Variants in SULF2 observed in about 807,000 individuals in gnomAD.
SULF2 encodes sulfatase 2, also known as extracellular sulfatase Sulf-2.
A neutral mutation model predicts 107.7 loss-of-function variants in SULF2; 52 were observed. The ratio of observed to expected loss-of-function variants is 0.48; its 90% CI spans 0.39 to 0.61. SULF2 has a LOEUF of 0.61. Ranked by LOEUF, SULF2 falls within the 20% of genes least tolerant of loss-of-function variation. The pLI, the probability that SULF2 is intolerant of heterozygous loss-of-function variation, is 0.00. For synonymous variants in SULF2, 460 were observed against 464.3 expected (o/e 0.99, Z 0.12); for missense variants, 993 against 1,177.3 (o/e 0.84, Z 2.29).
chr20:47,690,016 T>G, intron 5 of SULF2, 110 bp downstream of exon 5: 2 of 1,081,302 alleles, frequency 1.8e-6, no homozygotes, highest in Non-Finnish European at 1.2e-6. Context: ...ACCAGGAGGA[T>G]TAGAGAGGAG....
rs1342256961 is a variant in SULF2, at chr20:47,720,756, C to T, written c.415+15947G>A. Among the ~76,000 whole-genome samples, 4 of 152,024 alleles carry T rather than the reference C, an allele frequency of 2.6e-5. No homozygotes were observed. The East Asian group carries it at 7.7e-4, about 29-fold the overall frequency. On this transcript the variant is annotated intron_variant, in intron 3 of 20. Transcript: ENST00000688720. ...GGTTCAGGCTGAGTTTTGATCCTAC[C>T]CCTGACACCAGTAGAAGAGTCCTCC...
chr20:47,738,699 C>T (rs922191570), intron 2 of SULF2, among the ~76,000 whole-genome samples: 1 of 152,162 alleles, frequency 6.6e-6, no homozygotes. Flanking sequence ...CTCTTGCCTA[C>T]CGCCATGTAA....
At position 47,678,412 on chromosome 20, in the gene SULF2, G is replaced by A; in HGVS notation, c.1193+264C>T. On this transcript the variant is annotated intron_variant, in intron 8 of 20. Coordinates refer to ENST00000688720, the MANE Select transcript of SULF2 (RefSeq NM_001387048.1). The surrounding 1 kb of genome is among the most constrained non-coding windows in gnomAD (Gnocchi z 4.5). The stretch of plus-strand genomic sequence containing the variant: ...AGCACCATCTCCTACCATCACTGCT[G>A]CTATCATTTCAAGCTTTGGGTAATT... The A allele has an allele frequency of 2.2e-6, 1 of 457,808 alleles. No homozygotes were observed. The highest frequency in any genetic ancestry group is 4.1e-6 in the Non-Finnish European group (1 of 246,746). The allele number at this position is 457,808 out of a possible 1,614,324, so 28.4% of individuals were successfully genotyped here. A position where few individuals can be genotyped will look rare whatever the true frequency, so the allele number is the denominator to read the frequency against.
intron 17 of SULF2, among the ~76,000 whole-genome samples, chr20:47,662,206 C>T (rs1304170242): frequency 2.0e-5 from 3 of 152,214 alleles, no homozygotes; most frequent in Admixed American, 2.0e-4. Context: ...AGAAAGCCTT[C>T]CAAGTCTTGG....
intron 3 of SULF2, among the ~76,000 whole-genome samples, chr20:47,714,087 ATGAAG>A (rs2089024958): frequency 6.6e-6 from 1 of 152,232 alleles, no homozygotes; most frequent in Non-Finnish European, 1.5e-5. Flanking sequence ...TCGGCGAAAG[ATGAAG>A]CAGAAGCCTG....
chr20:47,698,581 T>C (rs1372980474), intron 4 of SULF2, among the ~76,000 whole-genome samples: 1 of 152,154 alleles, frequency 6.6e-6, no homozygotes, highest in Non-Finnish European at 1.5e-5. Context: ...AATCAACTCC[T>C]TGGGGGTTCA....
chr20:47,669,039 C>T (rs997181869), intron 11 of SULF2, among the ~76,000 whole-genome samples: 1 of 152,232 alleles, frequency 6.6e-6, no homozygotes. Flanking sequence ...CTCTGCTAGT[C>T]CCGCCACCGC....
chr20:47,757,234 G>T lies in SULF2; in HGVS notation c.130C>A (p.Pro44Thr). Residue 44 changes from proline (P) to threonine (T), a missense_variant, in exon 2 of 21, where the codon CCC becomes ACC. Around this residue, in one of 3 missense-constraint regions of SULF2, gnomAD observed 388 missense variants for 449.2 expected, o/e 0.86. Transcript: ENST00000688720. ...RFQRDRRNIR[P>T]NIILVLTDDQ... is the part of the protein sequence containing the mutation. ...TCCGTCAGCACCAGGATGATGTTGG[G>T]GCGGATGTTCCTGCGGTCCCTCTGA... 6.4e-7 allele frequency: 1 copy of T among 1,565,990 alleles called. No individual in the cohort carries two copies.
In SULF2 at chr20:47,663,154, G is replaced by A; in HGVS notation, c.2286C>T (p.Thr762=). 1 of 1,614,158 alleles carries A rather than the reference G, an allele frequency of 6.2e-7. No individual in the cohort carries two copies. The highest frequency in any genetic ancestry group is 2.2e-5 in the East Asian group (1 of 44,884). Residue 762 remains threonine (T), a synonymous_variant, in exon 17 of 21, where the codon ACC becomes ACT. Coordinates refer to ENST00000688720, the MANE Select transcript of SULF2 (RefSeq NM_001387048.1). ...AGAGGAAATTGTGAGTCTCATTGAT[G>A]GTCCTCATGCACCAGTACGTGTTAT... is the stretch of plus-strand genomic sequence containing the variant. ...ANNNTYWCMR[T]INETHNFLFC...
chr20:47,786,044 T>G (rs1422693890), upstream of SULF2: 1 of 151,772 alleles, frequency 6.6e-6, no homozygotes, highest in Non-Finnish European at 1.5e-5. Context: ...AGACGCACAC[T>G]CACTCGACAC....
intron 1 of SULF2, among the ~76,000 whole-genome samples, chr20:47,767,632 G>A (rs2090551840): frequency 6.6e-6 from 1 of 152,184 alleles, no homozygotes; most frequent in South Asian, 2.1e-4. Context: ...AAAATTAGCT[G>A]GGTGTGGTGG....
Position 47,765,300 on chromosome 20 carries a change from G to C in SULF2, c.-100-7837C>G, listed in dbSNP as rs373402753. ...AACTCAGAGGTGGAGCCTGCAGTGAGCCGAGATCGAGCCACTGTACTCCAG... is the reference window on the plus strand; with the variant it reads ...AACTCAGAGGTGGAGCCTGCAGTGACCCGAGATCGAGCCACTGTACTCCAG... On this transcript the variant is annotated intron_variant, in intron 1 of 20. Coordinates refer to ENST00000688720, the MANE Select transcript of SULF2 (RefSeq NM_001387048.1). Among the ~76,000 whole-genome samples the C allele has an allele frequency of 1.2e-4, 18 of 151,692 alleles. No individual in the cohort carries two copies. In the East Asian group the frequency reaches 3.3e-3, roughly 28 times the overall value.
At chr20:47,774,327 G>C (rs2090686550) in intron 1 of SULF2, among the ~76,000 whole-genome samples, 1 of 152,246 alleles carries the variant, frequency 6.6e-6, no homozygotes, top group South Asian at 2.1e-4. Context: ...GACTCACTGG[G>C]TGTCACCAGG....
intron 3 of SULF2, among the ~76,000 whole-genome samples, chr20:47,723,243 C>CAAA (rs5841707): frequency 6.9e-6 from 1 of 145,334 alleles, no homozygotes; most frequent in African/African-American, 2.6e-5. Context: ...CAGTCCATCT[C>CAAA]AAAAAAAAGA....
chr20:47,692,690 AT>A (rs1232339905), intron 4 of SULF2, among the ~76,000 whole-genome samples: 3 of 152,176 alleles, frequency 2.0e-5, no homozygotes, highest in Non-Finnish European at 4.4e-5. Context: ...GCCCAGGCTG[AT>A]CTTCAACTCC....
chr20:47,661,158 T>C lies in SULF2; in HGVS notation c.2494+615A>G, dbSNP rs1243560214. Among the ~76,000 whole-genome samples the C allele has an allele frequency of 1.3e-5, 2 of 151,928 alleles. 1 individual carries two copies. The highest frequency in any genetic ancestry group is 6.3e-3 in the Middle Eastern group (2 of 316). ...GGGTGGCCCGATGCCCTCCCGCCACTCTCCACTGGCCTCAGTTGTGTTGGC... is the reference window on the plus strand; with the variant it reads ...GGGTGGCCCGATGCCCTCCCGCCACCCTCCACTGGCCTCAGTTGTGTTGGC... On this transcript the variant is annotated intron_variant, in intron 18 of 20. Transcript: ENST00000688720.
Position 47,676,599 on chromosome 20 carries a change from A to G in SULF2, c.1275T>C (p.Asn425=), listed in dbSNP as rs1313901076. The change falls in exon 10 of 21, where the codon AAT becomes AAC. Residue 425 remains asparagine (N), a synonymous_variant. Transcript: ENST00000688720. The stretch of plus-strand genomic sequence containing the variant: ...TCTCCTCCTGGGCGTCCACCTTGTC[A>G]TTGTCTCTCTTGTGTAGCAGCTTGC... The part of the protein sequence containing the change: ...ERGKLLHKRD[N]DKVDAQEENF... The G allele has an allele frequency of 1.3e-6, 2 of 1,557,174 alleles. No homozygotes were observed. The highest frequency in any genetic ancestry group is 3.8e-5 in the Admixed American group (2 of 52,070).
chr20:47,662,193 G>C (rs1602576169), intron 17 of SULF2, among the ~76,000 whole-genome samples: 7 of 152,198 alleles, frequency 4.6e-5, no homozygotes, highest in Admixed American at 4.6e-4. Context: ...CCCAAGCTTG[G>C]AAAGAAAGCC....
Position 47,710,892 on chromosome 20 carries a change from G to A in SULF2, c.416-8222C>T, listed in dbSNP as rs189819746. 1.5e-3 allele frequency among the ~76,000 whole-genome samples: 231 copies of A among 152,224 alleles called. 2 individuals carry two copies. The highest frequency in any genetic ancestry group is 6.8e-3 in the Middle Eastern group (2 of 294). The stretch of plus-strand genomic sequence containing the variant: ...GTTAAGTGCTCCTGGGGAACGATTC[G>A]GAGCCTGATGGGAGGAGGAGACCCT... On this transcript the variant is annotated intron_variant, in intron 3 of 20. Coordinates refer to ENST00000688720, the MANE Select transcript of SULF2 (RefSeq NM_001387048.1).
Sources: gnomAD v4.1 joint callset for allele counts (sites outside exome capture counted in the v4.1 genomes callset) on GRCh38, gnomAD v4.1.1 for gene constraint, gnomAD v4.1.1 regional missense constraint, Gnocchi (gnomAD v3.1) non-coding constraint, MANE v1.5 for transcripts, NCBI Gene and HGNC (gene_info 2026-07-23, HGNC 2026-07-21) for gene names.